Variants in SRPK1 observed in about 807,000 individuals in gnomAD.
SRPK1 encodes SFRS protein kinase 1.
SRPK1 carries 52 observed loss-of-function variants against 89.5 expected under a neutral mutation model. The observed-to-expected ratio is 0.58, with a 90% confidence interval of 0.46 to 0.73. The LOEUF (loss-of-function observed/expected upper bound fraction) is 0.73, where lower values mean the gene tolerates loss of function less well. Ranked by LOEUF, SRPK1 falls within the 30% of genes least tolerant of loss-of-function variation. The probability of loss-of-function intolerance (pLI) is 0.00; values close to 1 mark genes in which losing one functional copy is unlikely to be tolerated. For synonymous variants in SRPK1, 255 were observed against 270.2 expected (o/e 0.94, Z 0.55); for missense variants, 603 against 780.6 (o/e 0.77, Z 2.71).
At chr6:35,886,539 T>C (rs564253638) in intron 6 of SRPK1, among the ~76,000 whole-genome samples, 185 bp downstream of exon 6, 4 of 152,332 alleles carry the variant, frequency 2.6e-5, no homozygotes, top group South Asian at 4.1e-4. Flanking sequence ...TAAAGCAATA[T>C]TCTGAAAAAT....
intron 2 of SRPK1, among the ~76,000 whole-genome samples, chr6:35,908,121 T>C (rs1770889022): frequency 6.6e-6 from 1 of 152,240 alleles, no homozygotes; most frequent in African/African-American, 2.4e-5. Flanking sequence ...GGTAGTATTC[T>C]TTATAGCAGT....
chr6:35,883,664 G>A (rs1283881100), intron 6 of SRPK1, among the ~76,000 whole-genome samples: 1 of 150,664 alleles, frequency 6.6e-6, no homozygotes, highest in African/African-American at 2.4e-5. Context: ...CAAAAAGGAA[G>A]AGCCAAATAA....
At chr6:35,874,408 A>G (rs1236262500) in intron 6 of SRPK1, 69 bp from the exon 7 acceptor site, 5 of 1,012,156 alleles carry the variant, frequency 4.9e-6, no homozygotes, top group Non-Finnish European at 7.6e-6. Context: ...TGTGAATTCC[A>G]CCCTATTAAA....
At position 35,869,537 on chromosome 6, in the gene SRPK1, C is replaced by T; in HGVS notation, c.1356G>A (p.Glu452=). The T allele has an allele frequency of 1.2e-6, 2 of 1,613,996 alleles. No individual in the cohort carries two copies. Among genetic ancestry groups the T allele is most frequent in the Non-Finnish European group, 1.7e-6 (2 of 1,179,878 alleles). Reference sequence around the variant, plus strand: ...GCTCTTGTTCATCTTCACAGGGTATCTCTGCCCGAATGCTTTCTTGAAGTT... The same window carrying T: ...GCTCTTGTTCATCTTCACAGGGTATTTCTGCCCGAATGCTTTCTTGAAGTT... ...ISQLQESIRA[E]IPCEDEQEQE... The change falls in exon 11 of 16, where the codon GAG becomes GAA. Residue 452 remains glutamate, a synonymous_variant. Coordinates refer to ENST00000373825, the MANE Select transcript of SRPK1 (RefSeq NM_003137.5).
intron 13 of SRPK1, chr6:35,856,798 C>A (rs1476049440): frequency 2.0e-5 from 3 of 153,476 alleles, no homozygotes; most frequent in African/African-American, 7.2e-5. Flanking sequence ...CAGTTGCTTG[C>A]CAGAGGCAAA....
rs2859420 is a variant in SRPK1 at position 35,835,506 on chromosome 6, C to T, written c.1784-18G>A. On this transcript the variant is annotated intron_variant, in intron 15 of 15. Coordinates refer to ENST00000373825, the MANE Select transcript of SRPK1 (RefSeq NM_003137.5). Reference sequence around the variant, plus strand: ...CAGGTCACCTGCAGTGAAGACAGTACAGAAAAAGCCACTGATCAACACAGA... The same window carrying T: ...CAGGTCACCTGCAGTGAAGACAGTATAGAAAAAGCCACTGATCAACACAGA... 590,112 of 1,592,308 alleles carry T rather than the reference C, an allele frequency of 0.37. 114,562 individuals carry two copies. Among genetic ancestry groups the T allele is most frequent in the African/African-American group, 0.64 (47,628 of 74,428 alleles).
At chr6:35,899,714 C>A (rs1404187898) in intron 2 of SRPK1, among the ~76,000 whole-genome samples, 1 of 152,012 alleles carries the variant, frequency 6.6e-6, no homozygotes, top group Non-Finnish European at 1.5e-5. Flanking sequence ...AGAAAGATTC[C>A]TTTGGGGCCG....
chr6:35,919,122 T>C (rs777972704), intron 2 of SRPK1, among the ~76,000 whole-genome samples: 6 of 152,228 alleles, frequency 3.9e-5, no homozygotes, highest in Non-Finnish European at 7.3e-5. Context: ...GCTGTTTCTA[T>C]TAAACGATCT....
chr6:35,921,028 C>T lies in SRPK1; in HGVS notation c.13+16G>A. ...CGACCATTGCCCCTCGTGGCGGAGGCCGCTCCACCGCTCACCTTTCCGCTC... is the reference window on the plus strand; with the variant it reads ...CGACCATTGCCCCTCGTGGCGGAGGTCGCTCCACCGCTCACCTTTCCGCTC... On this transcript the variant is annotated intron_variant, in intron 1 of 15. Coordinates refer to ENST00000373825, the MANE Select transcript of SRPK1 (RefSeq NM_003137.5). 6.5e-7 allele frequency: 1 copy of T among 1,542,836 alleles called. No individual in the cohort carries two copies. The highest frequency in any genetic ancestry group is 8.7e-7 in the Non-Finnish European group (1 of 1,147,068).
Position 35,838,342 on chromosome 6 carries a change from T to C in SRPK1, c.1778A>G (p.Lys593Arg). Residue 593 changes from lysine (K) to arginine (R), a missense_variant, in exon 15 of 16, where the codon AAA (lysine) becomes AGA (arginine). Coordinates refer to ENST00000373825, the MANE Select transcript of SRPK1 (RefSeq NM_003137.5). ...TGGGAACACATTTACTTTACCTTTT[T>C]TGGTGAAAAATTCCTTGGAATATTT... ...AGKYSKEFFT[K>R]KGDLKHITKL... 6.4e-7 allele frequency: 1 copy of C among 1,567,686 alleles called. No individual in the cohort carries two copies.
At chr6:35,850,648 C>T (rs1769533204) in intron 13 of SRPK1, among the ~76,000 whole-genome samples, 1 of 147,374 alleles carries the variant, frequency 6.8e-6, no homozygotes, top group Admixed American at 6.8e-5. Flanking sequence ...TAAGAATTGC[C>T]GAAGAACTTT....
intron 13 of SRPK1, among the ~76,000 whole-genome samples, chr6:35,844,005 GTTTT>G (rs35051574): frequency 5.4e-4 from 68 of 125,678 alleles, no homozygotes; most frequent in Non-Finnish European, 5.8e-4. Context: ...CACAACAGCA[GTTTT>G]TTTTTTTTTT....
In SRPK1 at chr6:35,869,814, A is replaced by G. The variant is rs1166371786; in HGVS notation, c.1079T>C (p.Ile360Thr). The change falls in exon 11 of 16, where the codon ATT (isoleucine) becomes ACT (threonine). Residue 360 changes from isoleucine to threonine, a missense_variant. By Grantham distance (89) the Ile-to-Thr change is moderately conservative. Coordinates refer to ENST00000373825, the MANE Select transcript of SRPK1 (RefSeq NM_003137.5). ...GAAEINCNGVIEVINYTQNSN... is the reference protein window; with the variant it reads ...GAAEINCNGVTEVINYTQNSN... ...GTTCTGAGTATAATTAATGACTTCA[A>G]TCACTCCATTGCAATTAATTTCTGC... The G allele has an allele frequency of 3.1e-6, 5 of 1,613,466 alleles. No homozygotes were observed. In the Admixed American group the frequency reaches 8.3e-5, roughly 27 times the overall value.
chr6:35,837,071 C>T (rs1400852391), intron 15 of SRPK1, among the ~76,000 whole-genome samples: 1 of 152,106 alleles, frequency 6.6e-6, no homozygotes, highest in Non-Finnish European at 1.5e-5. Flanking sequence ...CAGACCATTT[C>T]CTAGATGCTT....
intron 11 of SRPK1, 49 bp from the exon 12 acceptor site, chr6:35,869,159 T>C (rs1426441663): frequency 4.2e-6 from 6 of 1,445,402 alleles, no homozygotes; most frequent in Non-Finnish European, 5.8e-6. Flanking sequence ...AACAGAGAAA[T>C]ACTCAATGAG....
At chr6:35,883,321 G>A (rs1489391856) in intron 6 of SRPK1, among the ~76,000 whole-genome samples, 6 of 151,998 alleles carry the variant, frequency 3.9e-5, no homozygotes, top group African/African-American at 1.2e-4. Context: ...CCTGGGAGGC[G>A]GAGGTTGCAG....
intron 2 of SRPK1, among the ~76,000 whole-genome samples, chr6:35,901,369 G>C (rs1277910099): frequency 6.6e-6 from 1 of 152,206 alleles, no homozygotes; most frequent in Non-Finnish European, 1.5e-5. Context: ...CACACATATA[G>C]AGGGAAGATG....
rs200569498 is a variant in SRPK1, at chr6:35,886,680, G to C, written c.478+44C>G. ...CACAACAAATCTAGTTCCTTTCTTTGGGATTGGGATGATTTATTCTCAAAT... is the reference window on the plus strand; with the variant it reads ...CACAACAAATCTAGTTCCTTTCTTTCGGATTGGGATGATTTATTCTCAAAT... On this transcript the variant is annotated intron_variant, in intron 6 of 15. Coordinates refer to ENST00000373825, the MANE Select transcript of SRPK1 (RefSeq NM_003137.5). 4.6e-4 allele frequency: 556 copies of C among 1,197,782 alleles called. 3 individuals are homozygous for C. The African/African-American group carries it at 7.1e-3, about 15-fold the overall frequency. The allele number at this position is 1,197,782 out of a possible 1,614,324, so 74.2% of individuals were successfully genotyped here. A position where few individuals can be genotyped will look rare whatever the true frequency, so the allele number is the denominator to read the frequency against.
At chr6:35,912,810 G>T (rs957802336) in intron 2 of SRPK1, among the ~76,000 whole-genome samples, 1 of 152,196 alleles carries the variant, frequency 6.6e-6, no homozygotes, top group African/African-American at 2.4e-5. Context: ...GGAGACAGGG[G>T]TCTTGTTCTG....
Sources: gnomAD v4.1 joint callset for allele counts (sites outside exome capture counted in the v4.1 genomes callset) on GRCh38, gnomAD v4.1.1 for gene constraint, MANE v1.5 for transcripts, NCBI Gene and HGNC (gene_info 2026-07-23, HGNC 2026-07-21) for gene names.